The following PITPNC1 variants were observed in gnomAD, a reference collection of about 807,000 sequenced individuals.
PITPNC1 encodes cytoplasmic phosphatidylinositol transfer protein 1.
A neutral mutation model predicts 44.7 loss-of-function variants in PITPNC1; 18 were observed. That is an observed-to-expected ratio of 0.40 (90% CI 0.28 to 0.60). The LOEUF (loss-of-function observed/expected upper bound fraction) is 0.60, where lower values mean the gene tolerates loss of function less well. PITPNC1 is among the 20% of genes least tolerant of loss of function. The pLI, the probability that PITPNC1 is intolerant of heterozygous loss-of-function variation, is 0.39. For missense variants in PITPNC1, 290 were observed against 418.4 expected, an observed-to-expected ratio of 0.69 and a Z score of 2.68; for synonymous variants, 141 against 149.6, an observed-to-expected ratio of 0.94 and a Z score of 0.42.
chr17:67,511,248 T>C lies in PITPNC1; in HGVS notation c.49-21554T>C, dbSNP rs372126826. ...ACCATGATTTATCTAACGGATCCCA[T>C]TGATGGACAACTGGAGTTTTTCCAG... On this transcript the variant is annotated intron_variant, in intron 1 of 8. Coordinates refer to ENST00000581322, the MANE Select transcript of PITPNC1 (RefSeq NM_012417.4). Among the ~76,000 whole-genome samples, 7 of 152,308 alleles carry C rather than the reference T, an allele frequency of 4.6e-5. No individual in the cohort carries two copies. In the East Asian group the frequency reaches 9.7e-4, roughly 21 times the overall value.
intron 1 of PITPNC1, among the ~76,000 whole-genome samples, chr17:67,458,788 G>C (rs183933053): frequency 4.6e-5 from 7 of 152,260 alleles, no homozygotes; most frequent in Admixed American, 3.9e-4. Context: ...TACATGGTCT[G>C]ATAGTGAGGC....
At chr17:67,675,752 G>GAACC (rs1460625395) in intron 8 of PITPNC1, among the ~76,000 whole-genome samples, 2 of 152,172 alleles carry the variant, frequency 1.3e-5, no homozygotes, top group African/African-American at 4.8e-5. Context: ...GACTAAGTAG[G>GAACC]AACCTCAGGA....
intron 6 of PITPNC1, among the ~76,000 whole-genome samples, chr17:67,659,881 G>T (rs2042318318): frequency 6.6e-6 from 1 of 151,750 alleles, no homozygotes; most frequent in South Asian, 2.1e-4. Context: ...ATCTTTTTTT[G>T]TTTTTTGTTT....
At chr17:67,383,100 A>C (rs955571729) in intron 1 of PITPNC1, among the ~76,000 whole-genome samples, 2 of 151,566 alleles carry the variant, frequency 1.3e-5, no homozygotes, top group African/African-American at 4.9e-5. Flanking sequence ...AGTTCAAGAG[A>C]TTCTCCTGCC....
At chr17:67,475,517 G>A (rs971582638) in intron 1 of PITPNC1, among the ~76,000 whole-genome samples, 6 of 152,068 alleles carry the variant, frequency 3.9e-5, no homozygotes, top group African/African-American at 1.2e-4. Flanking sequence ...CAAACATAGC[G>A]AACACGACAG....
At chr17:67,549,518 C>T (rs2040729821) in intron 2 of PITPNC1, among the ~76,000 whole-genome samples, 1 of 152,134 alleles carries the variant, frequency 6.6e-6, no homozygotes, top group African/African-American at 2.4e-5. Context: ...AAAATAGATT[C>T]TAGAATCTGG....
chr17:67,434,020 C>T (rs1397734143), intron 1 of PITPNC1, among the ~76,000 whole-genome samples: 1 of 152,144 alleles, frequency 6.6e-6, no homozygotes, highest in Non-Finnish European at 1.5e-5. Flanking sequence ...AATGGTCCTG[C>T]TCCTGGGGCT....
chr17:67,516,762 G>A (rs866548617), intron 1 of PITPNC1, among the ~76,000 whole-genome samples: 1 of 152,254 alleles, frequency 6.6e-6, no homozygotes, highest in South Asian at 2.1e-4. Context: ...GAGATTACAG[G>A]CGCCCGCCAC....
At chr17:67,692,046 A>G (rs1205492967) in intron 8 of PITPNC1, among the ~76,000 whole-genome samples, 2 of 152,082 alleles carry the variant, frequency 1.3e-5, no homozygotes. Flanking sequence ...ATGTTGAAAA[A>G]TCCTGATGAT....
intron 2 of PITPNC1, among the ~76,000 whole-genome samples, chr17:67,542,237 G>A (rs201687060): frequency 2.1e-4 from 32 of 152,250 alleles, no homozygotes; most frequent in East Asian, 1.7e-3. Context: ...GTTCTTGGGC[G>A]TATTTGGTAG....
intron 1 of PITPNC1, among the ~76,000 whole-genome samples, chr17:67,441,599 C>A (rs892212215): frequency 6.6e-6 from 1 of 152,210 alleles, no homozygotes; most frequent in African/African-American, 2.4e-5. Flanking sequence ...GTCAGCCTTT[C>A]TTCTAATCCG....
rs113476592 is a variant in PITPNC1 at position 67,615,676 on chromosome 17, T to C, written c.367-16467T>C. 1.2e-4 allele frequency among the ~76,000 whole-genome samples: 19 copies of C among 152,252 alleles called. 1 individual carries two copies. The highest frequency in any genetic ancestry group is 4.6e-4 in the African/African-American group (19 of 41,560). On this transcript the variant is annotated intron_variant, in intron 5 of 8. Transcript: ENST00000581322. ...GGCTGGCCCGTGAGTGTCTCCAGGT[T>C]CAATATCGATTTGTCAATTGTAGAG...
intron 1 of PITPNC1, among the ~76,000 whole-genome samples, chr17:67,503,919 T>G (rs1194187463): frequency 1.3e-5 from 2 of 152,242 alleles, no homozygotes; most frequent in African/African-American, 4.8e-5. Context: ...TTGGCATTTC[T>G]GTCTTCCTCT....
chr17:67,435,698 C>A (rs559702765), intron 1 of PITPNC1, among the ~76,000 whole-genome samples: 3 of 151,968 alleles, frequency 2.0e-5, no homozygotes, highest in African/African-American at 7.3e-5. Context: ...CTAAAAATAC[C>A]AAAATTAGGC....
intron 1 of PITPNC1, among the ~76,000 whole-genome samples, chr17:67,529,111 C>T (rs1231912778): frequency 6.6e-6 from 1 of 152,164 alleles, no homozygotes; most frequent in Non-Finnish European, 1.5e-5. Context: ...CCAGTGTCTG[C>T]CCCGCGCCGG....
intron 7 of PITPNC1, among the ~76,000 whole-genome samples, chr17:67,673,561 A>G (rs2042547996): frequency 6.6e-6 from 1 of 152,234 alleles, no homozygotes; most frequent in Admixed American, 6.5e-5. Context: ...CATCCTTTCA[A>G]TGGTAAACGG....
intron 1 of PITPNC1, among the ~76,000 whole-genome samples, chr17:67,519,881 A>G (rs141733953): frequency 6.6e-6 from 1 of 152,330 alleles, no homozygotes; most frequent in African/African-American, 2.4e-5. Flanking sequence ...TAGGTAAGCA[A>G]AGGAGTCCAG....
chr17:67,644,019 A>G (rs1026706395), intron 6 of PITPNC1, among the ~76,000 whole-genome samples: 1 of 152,026 alleles, frequency 6.6e-6, no homozygotes, highest in African/African-American at 2.4e-5. Context: ...GGATCATGGG[A>G]TCCTCCGCCG....
At chr17:67,577,000 G>A (rs143322456) in intron 4 of PITPNC1, among the ~76,000 whole-genome samples, 52 of 152,230 alleles carry the variant, frequency 3.4e-4, no homozygotes, top group African/African-American at 1.2e-3. Flanking sequence ...GCCAGGTCTC[G>A]CCCGGATGCA....
Sources: allele counts gnomAD v4.1 joint callset (sites outside exome capture counted in the v4.1 genomes callset), GRCh38; gene constraint gnomAD v4.1.1; transcripts MANE v1.5; gene names NCBI Gene and HGNC (gene_info 2026-07-23, HGNC 2026-07-21).